B3GAT1: variants seen among roughly 807,000 people sequenced by gnomAD.
B3GAT1 encodes the protein galactosylgalactosylxylosylprotein 3-beta-glucuronosyltransferase 1.
In B3GAT1, 11 loss-of-function variants were observed where a neutral mutation model predicts 28.4. The ratio of observed to expected loss-of-function variants is 0.39; its 90% CI spans 0.24 to 0.64. B3GAT1 has a LOEUF of 0.64. B3GAT1 is among the 30% of genes least tolerant of loss of function. The pLI is 0.50. For missense variants in B3GAT1, 375 were observed against 491.0 expected (o/e 0.76, Z 2.23); for synonymous variants, 255 against 223.1 (o/e 1.14, Z -1.27).
chr11:134,383,455 T>C (rs553676282), intron 3 of B3GAT1, among the ~76,000 whole-genome samples: 173 of 152,250 alleles, frequency 1.1e-3, no homozygotes, highest in African/African-American at 3.7e-3. Context: ...GGGCCAGGAA[T>C]ATGGTTTAGG....
At chr11:134,402,559 C>A (rs1378015593) in intron 1 of B3GAT1, among the ~76,000 whole-genome samples, 2 of 152,142 alleles carry the variant, frequency 1.3e-5, no homozygotes, top group African/African-American at 4.8e-5. Context: ...CCCCTAAGGT[C>A]CCTCCCTCCT....
At chr11:134,410,826 C>T (rs1944839078) in intron 1 of B3GAT1, among the ~76,000 whole-genome samples, 1 of 152,228 alleles carries the variant, frequency 6.6e-6, no homozygotes, top group Non-Finnish European at 1.5e-5. Flanking sequence ...ATCCGTACCC[C>T]AACATTTTCA....
rs953289287 is a variant in B3GAT1 at position 134,399,993 on chromosome 11, A to C, written c.-282+11814T>G. On this transcript the variant is annotated intron_variant, in intron 1 of 5. Transcript: ENST00000312527. Reference sequence around the variant, plus strand: ...GACATCCCAGAGGGAGGATGTGAGCAGCCAACTGCCCCACAGTACTGCCTT... The same window carrying C: ...GACATCCCAGAGGGAGGATGTGAGCCGCCAACTGCCCCACAGTACTGCCTT... Among the ~76,000 whole-genome samples the C allele has an allele frequency of 7.5e-4, 114 of 152,280 alleles. 1 individual carries two copies. Among genetic ancestry groups the C allele is most frequent in the East Asian group, 5.8e-4 (3 of 5,176 alleles).
At chr11:134,385,042 C>G (rs892170275) in intron 2 of B3GAT1, 1 of 152,222 alleles carries the variant, frequency 6.6e-6, no homozygotes, top group Non-Finnish European at 1.5e-5. Context: ...CCACTTCTGC[C>G]GTTACGAACC....
chr11:134,381,634 T>G, intron 5 of B3GAT1: 1 of 366,826 alleles, frequency 2.7e-6, no homozygotes, highest in Non-Finnish European at 5.1e-6. Context: ...CAGTGCCTTG[T>G]GGGGTGCAGG....
intron 1 of B3GAT1, among the ~76,000 whole-genome samples, chr11:134,402,320 C>T (rs1054877531): frequency 1.3e-5 from 2 of 152,178 alleles, no homozygotes; most frequent in Admixed American, 6.5e-5. Context: ...CAGAAAGGCA[C>T]TCAGGAAGGA....
chr11:134,387,600 G>T lies in B3GAT1; in HGVS notation c.60C>A (p.Leu20=), dbSNP rs112727895. ...GGGTGCTCTGGTGCCAGACAGTGAT[G>T]AGCAGAGTCCAGGGCAGCACGATGA... The part of the protein sequence containing the change: ...IVLIVLPWTL[L]ITVWHQSTLA... Residue 20 remains leucine, a synonymous_variant, in exon 2 of 6, where the codon CTC becomes CTA. Coordinates refer to ENST00000312527, the MANE Select transcript of B3GAT1 (RefSeq NM_054025.3). 1 of 1,614,174 alleles carries T rather than the reference G, an allele frequency of 6.2e-7. No homozygotes were observed.
intron 1 of B3GAT1, chr11:134,392,165 G>C (rs992359726): frequency 6.6e-6 from 1 of 151,560 alleles, no homozygotes; most frequent in African/African-American, 2.5e-5. Flanking sequence ...CCAGAGGCGA[G>C]GCAAGAGCGC....
intron 1 of B3GAT1, chr11:134,391,416 G>C (rs1468724287): frequency 6.6e-6 from 1 of 152,284 alleles, no homozygotes. Context: ...CTGAGACGGG[G>C]CTGCAAGGTT....
Position 134,382,695 on chromosome 11 carries a change from T to C in B3GAT1, c.918+15A>G. On this transcript the variant is annotated intron_variant, in intron 4 of 5. Coordinates refer to ENST00000312527, the MANE Select transcript of B3GAT1 (RefSeq NM_054025.3). Reference sequence around the variant, plus strand: ...GACATTGCATCACAGCTGTCAGTTCTGCGGAGGGTCTCACCTTGGTGCAGT... The same window carrying C: ...GACATTGCATCACAGCTGTCAGTTCCGCGGAGGGTCTCACCTTGGTGCAGT... The C allele has an allele frequency of 1.2e-6, 2 of 1,606,638 alleles. No homozygotes were observed. Among genetic ancestry groups the C allele is most frequent in the Non-Finnish European group, 1.7e-6 (2 of 1,174,464 alleles).
intron 5 of B3GAT1, 22 bp downstream of exon 5, chr11:134,381,902 C>T (rs1462143939): frequency 1.3e-6 from 2 of 1,593,148 alleles, no homozygotes; most frequent in Middle Eastern, 3.3e-4. Context: ...CAGTGTGTGG[C>T]CCACCCTCGT....
At position 134,409,297 on chromosome 11, in the gene B3GAT1, A is replaced by G. The variant is rs145823398; in HGVS notation, c.-282+2510T>C. On this transcript the variant is annotated intron_variant, in intron 1 of 5. Coordinates refer to ENST00000312527, the MANE Select transcript of B3GAT1 (RefSeq NM_054025.3). ...TGGCTAGTCTTCAGTAGGGTCCCCAAAGGTCTTTTTGCCTGGGGGCCTGGG... is the reference window on the plus strand; with the variant it reads ...TGGCTAGTCTTCAGTAGGGTCCCCAGAGGTCTTTTTGCCTGGGGGCCTGGG... Among the ~76,000 whole-genome samples the G allele has an allele frequency of 2.0e-3, 310 of 152,190 alleles. 15 individuals are homozygous for G. The East Asian group carries it at 0.05, about 24-fold the overall frequency.
At chr11:134,398,502 G>T (rs542355635) in intron 1 of B3GAT1, among the ~76,000 whole-genome samples, 6 of 150,862 alleles carry the variant, frequency 4.0e-5, no homozygotes, top group African/African-American at 1.5e-4. Context: ...AGGACTGCAC[G>T]TTGGTTATCT....
intron 1 of B3GAT1, among the ~76,000 whole-genome samples, chr11:134,398,835 C>T (rs1757779947): frequency 6.6e-6 from 1 of 152,222 alleles, no homozygotes; most frequent in Non-Finnish European, 1.5e-5. Context: ...TGCAGCTGCA[C>T]ACCCGGCTGG....
intron 1 of B3GAT1, among the ~76,000 whole-genome samples, chr11:134,410,854 GC>G: frequency 6.6e-6 from 1 of 152,342 alleles, no homozygotes; most frequent in Non-Finnish European, 1.5e-5. Flanking sequence ...GTGCTACACA[GC>G]CCAAGCTCTA....
Position 134,383,862 on chromosome 11 carries a change from C to T in B3GAT1, c.439G>A (p.Glu147Lys). 6.3e-7 allele frequency: 1 copy of T among 1,596,926 alleles called. No homozygotes were observed. The highest frequency in any genetic ancestry group is 8.5e-7 in the Non-Finnish European group (1 of 1,174,994). ...CGCAGCTTGTAGTTGCGGGGCGTCT[C>T]CACGTGCAGGTGCGTGTAGTTGAGG... ...TGLNYTHLHVETPRNYKLRGD... is the reference protein window; with the variant it reads ...TGLNYTHLHVKTPRNYKLRGD... Residue 147 changes from glutamate to lysine, a missense_variant, in exon 3 of 6, where the codon GAG (glutamate) becomes AAG (lysine). Physicochemically the swap from Glu to Lys is moderately conservative, Grantham distance 56. Transcript: ENST00000312527.
intron 1 of B3GAT1, among the ~76,000 whole-genome samples, chr11:134,403,257 G>C (rs530326295): frequency 6.6e-6 from 1 of 152,094 alleles, no homozygotes; most frequent in Non-Finnish European, 1.5e-5. Flanking sequence ...AGGAGTACCC[G>C]GCCGATTTCT....
At position 134,381,994 on chromosome 11, in the gene B3GAT1, G is replaced by A; in HGVS notation, c.949C>T (p.Pro317Ser). ...TTCTTGCCCTCATTCACCAGCACTG[G>A]CTTCTCTGTCCGTGTGTGCCACACC... Reference protein sequence around the residue: ...ILVWHTRTEKPVLVNEGKKGF... With the variant: ...ILVWHTRTEKSVLVNEGKKGF... The change falls in exon 5 of 6, where the codon CCA becomes TCA. Residue 317 changes from proline to serine, a missense_variant. Coordinates refer to ENST00000312527, the MANE Select transcript of B3GAT1 (RefSeq NM_054025.3). 6.2e-7 allele frequency: 1 copy of A among 1,614,118 alleles called. No individual in the cohort carries two copies. The highest frequency in any genetic ancestry group is 8.5e-7 in the Non-Finnish European group (1 of 1,180,036).
intron 1 of B3GAT1, among the ~76,000 whole-genome samples, chr11:134,398,495 A>G (rs1440758891): frequency 6.6e-6 from 1 of 150,710 alleles, no homozygotes; most frequent in African/African-American, 2.5e-5. Context: ...TTCCAAAAGG[A>G]CTGCACGTTG....
Sources: gnomAD v4.1 joint callset for allele counts (sites outside exome capture counted in the v4.1 genomes callset) on GRCh38, gnomAD v4.1.1 for gene constraint, MANE v1.5 for transcripts, NCBI Gene and HGNC (gene_info 2026-07-23, HGNC 2026-07-21) for gene names.